Variants in ZZZ3 observed in about 807,000 individuals in gnomAD.
ZZZ3 encodes the protein ZZ-type zinc finger-containing protein 3.
In ZZZ3, 22 loss-of-function variants were observed where a neutral mutation model predicts 95.2. That is an observed-to-expected ratio of 0.23 (90% CI 0.17 to 0.33). The LOEUF is 0.33. Ranked by LOEUF, ZZZ3 falls within the 10% of genes least tolerant of loss-of-function variation. ZZZ3 has a pLI of 1.00. For missense variants in ZZZ3, 885 were observed against 1,066.5 expected, an observed-to-expected ratio of 0.83 and a Z score of 2.37; for synonymous variants, 335 against 358.9, an observed-to-expected ratio of 0.93 and a Z score of 0.75.
chr1:77,626,998 T>C (rs1402170620), intron 5 of ZZZ3, among the ~76,000 whole-genome samples: 9 of 152,110 alleles, frequency 5.9e-5, no homozygotes. Flanking sequence ...AAAAATCAGA[T>C]AATCATGACT....
chr1:77,616,368 A>T (rs1666313222), intron 5 of ZZZ3, among the ~76,000 whole-genome samples: 1 of 152,222 alleles, frequency 6.6e-6, no homozygotes, highest in African/African-American at 2.4e-5. Flanking sequence ...CAAGACTGTT[A>T]AGTAAATGTC....
At chr1:77,622,412 A>T (rs1462797317) in intron 5 of ZZZ3, among the ~76,000 whole-genome samples, 1 of 151,854 alleles carries the variant, frequency 6.6e-6, no homozygotes, top group Admixed American at 6.6e-5. Flanking sequence ...TTTCCAACAC[A>T]AATGGTAAAA....
At chr1:77,637,751 T>C (rs1557751140) in intron 4 of ZZZ3, among the ~76,000 whole-genome samples, 1 of 152,220 alleles carries the variant, frequency 6.6e-6, no homozygotes, top group South Asian at 2.1e-4. Flanking sequence ...ACTAAAGCAG[T>C]TGTTTTCCTC....
Position 77,631,783 on chromosome 1 carries a change from A to G in ZZZ3, c.1505+67T>C, listed in dbSNP as rs1480212624. 1.3e-5 allele frequency: 17 copies of G among 1,297,016 alleles called. No homozygotes were observed. The Middle Eastern group carries it at 2.7e-3, about 210-fold the overall frequency. The allele number at this position is 1,297,016 out of a possible 1,614,324, so 80.3% of individuals were successfully genotyped here. On this transcript the variant is annotated intron_variant, in intron 5 of 14. Coordinates refer to ENST00000370801, the MANE Select transcript of ZZZ3 (RefSeq NM_015534.6). Reference sequence around the variant, plus strand: ...TTTGGCTGTAATAAAAACACTACGAATAGATACTGAAAAACTTGGGGAATA... The same window carrying G: ...TTTGGCTGTAATAAAAACACTACGAGTAGATACTGAAAAACTTGGGGAATA...
At chr1:77,654,662 T>C (rs1374199282) in intron 1 of ZZZ3, among the ~76,000 whole-genome samples, 1 of 152,106 alleles carries the variant, frequency 6.6e-6, no homozygotes, top group African/African-American at 2.4e-5. Flanking sequence ...TAACTGGCCC[T>C]TTTGACATCA....
intron 14 of ZZZ3, 111 bp from the exon 15 acceptor site, chr1:77,565,895 A>G: frequency 7.9e-7 from 1 of 1,259,520 alleles, no homozygotes; most frequent in Non-Finnish European, 1.1e-6. Context: ...ATCTATCAAA[A>G]TCTCCAACGG....
chr1:77,653,038 T>A (rs1330549785), intron 1 of ZZZ3, among the ~76,000 whole-genome samples: 1 of 152,082 alleles, frequency 6.6e-6, no homozygotes, highest in East Asian at 1.9e-4. Context: ...AATTAAAAAA[T>A]TAGCCAGGTA....
intron 12 of ZZZ3, among the ~76,000 whole-genome samples, chr1:77,571,560 C>T (rs1474352093): frequency 6.6e-6 from 1 of 151,994 alleles, no homozygotes; most frequent in Non-Finnish European, 1.5e-5. Flanking sequence ...AATGGATAAA[C>T]AAAATGTGGC....
At chr1:77,572,679 C>G (rs1218886426) in intron 12 of ZZZ3, among the ~76,000 whole-genome samples, 1 of 152,060 alleles carries the variant, frequency 6.6e-6, no homozygotes, top group Non-Finnish European at 1.5e-5. Flanking sequence ...CTCTGTCGCC[C>G]AGGCTGGAAT....
At position 77,625,690 on chromosome 1, in the gene ZZZ3, A is replaced by C. The variant is rs1667268295; in HGVS notation, c.1505+6160T>G. On this transcript the variant is annotated intron_variant, in intron 5 of 14. Coordinates refer to ENST00000370801, the MANE Select transcript of ZZZ3 (RefSeq NM_015534.6). ...ACCTCTGTCAAAAAGATGAACCTAA[A>C]TCAAAAAGAAAAGGTTAAGCCAGGC... Among the ~76,000 whole-genome samples the C allele has an allele frequency of 2.6e-5, 4 of 152,172 alleles. No individual in the cohort carries two copies. In the South Asian group the frequency reaches 8.3e-4, roughly 32 times the overall value.
chr1:77,612,836 T>C (rs745642524), intron 5 of ZZZ3, among the ~76,000 whole-genome samples: 2 of 151,894 alleles, frequency 1.3e-5, no homozygotes, highest in Non-Finnish European at 2.9e-5. Flanking sequence ...GATACAAAAT[T>C]GTAGATACCT....
intron 5 of ZZZ3, among the ~76,000 whole-genome samples, chr1:77,616,189 T>C (rs566414073): frequency 5.9e-5 from 9 of 152,294 alleles, no homozygotes; most frequent in East Asian, 1.9e-4. Flanking sequence ...TTCATACTTA[T>C]TATCATTAGT....
chr1:77,620,884 A>T (rs1180556275), intron 5 of ZZZ3, among the ~76,000 whole-genome samples: 1 of 152,246 alleles, frequency 6.6e-6, no homozygotes, highest in African/African-American at 2.4e-5. Flanking sequence ...GAACAAAGCC[A>T]GTAACTGAAG....
At chr1:77,573,649 AT>A (rs371877626) in intron 12 of ZZZ3, among the ~76,000 whole-genome samples, 1 of 152,220 alleles carries the variant, frequency 6.6e-6, no homozygotes, top group African/African-American at 2.4e-5. Flanking sequence ...AAACACAGCA[AT>A]GATAGTAGTC....
intron 4 of ZZZ3, among the ~76,000 whole-genome samples, chr1:77,638,708 C>T (rs919875098): frequency 9.2e-5 from 14 of 152,022 alleles, no homozygotes; most frequent in Middle Eastern, 3.4e-3. Context: ...GGTCATGATA[C>T]CAGAATATAT....
At chr1:77,629,704 A>AT (rs1292269350) in intron 5 of ZZZ3, among the ~76,000 whole-genome samples, 1 of 152,258 alleles carries the variant, frequency 6.6e-6, no homozygotes, top group South Asian at 2.1e-4. Flanking sequence ...AGAATCAGTA[A>AT]TTTTTTCCCC....
intron 12 of ZZZ3, among the ~76,000 whole-genome samples, chr1:77,572,101 GAA>G (rs1293225730): frequency 6.6e-6 from 1 of 152,242 alleles, no homozygotes; most frequent in East Asian, 1.9e-4. Context: ...ATTGCTTTTT[GAA>G]AAGAGAAACT....
intron 5 of ZZZ3, among the ~76,000 whole-genome samples, chr1:77,629,223 C>T (rs898272383): frequency 8.5e-5 from 13 of 152,134 alleles, no homozygotes; most frequent in Admixed American, 7.2e-4. Context: ...AACACCCTCT[C>T]CCAATTTTCC....
At chr1:77,639,428 C>T (rs565537156) in intron 4 of ZZZ3, 21 bp downstream of exon 4, 3 of 1,504,602 alleles carry the variant, frequency 2.0e-6, no homozygotes, top group Non-Finnish European at 2.7e-6. Flanking sequence ...GTCTTCACTA[C>T]TGCAAAACTA....
Sources: allele counts gnomAD v4.1 joint callset (sites outside exome capture counted in the v4.1 genomes callset), GRCh38; gene constraint gnomAD v4.1.1; transcripts MANE v1.5; gene names NCBI Gene and HGNC (gene_info 2026-07-23, HGNC 2026-07-21).